Variants in OSTN observed in about 807,000 individuals in gnomAD.
OSTN encodes osteocrin.
In OSTN, 9 loss-of-function variants were observed where a neutral mutation model predicts 12.0. That is an observed-to-expected ratio of 0.75 (90% CI 0.45 to 1.30). The LOEUF (loss-of-function observed/expected upper bound fraction) is 1.30. OSTN is among the 50% of genes most tolerant of loss of function. The probability of loss-of-function intolerance (pLI) is 0.00; values close to 1 mark genes in which losing one functional copy is unlikely to be tolerated. For synonymous variants in OSTN, 59 were observed against 56.9 expected (o/e 1.04, Z -0.16); for missense variants, 148 against 152.3 (o/e 0.97, Z 0.15).
intron 4 of OSTN, among the ~76,000 whole-genome samples, chr3:191,254,378 G>A (rs114650791): frequency 2.2e-3 from 328 of 152,306 alleles, no homozygotes; most frequent in Non-Finnish European, 3.7e-3. Context: ...ATCAGCAGGC[G>A]TGAAGGTTGT....
At chr3:191,210,086 A>G (rs1714379900) in intron 1 of OSTN, among the ~76,000 whole-genome samples, 1 of 152,238 alleles carries the variant, frequency 6.6e-6, no homozygotes, top group South Asian at 2.1e-4. Context: ...AGGCCTCAGG[A>G]AACTTACAAT....
At chr3:191,255,330 G>A (rs539868807) in intron 4 of OSTN, among the ~76,000 whole-genome samples, 10 of 152,292 alleles carry the variant, frequency 6.6e-5, no homozygotes, top group Admixed American at 2.6e-4. Context: ...TCCGCAACCC[G>A]GAGGATGGGA....
chr3:191,259,746 C>T (rs556942827), intron 4 of OSTN, among the ~76,000 whole-genome samples: 66 of 151,986 alleles, frequency 4.3e-4, no homozygotes, highest in African/African-American at 1.4e-3. Flanking sequence ...GTTATTCCCT[C>T]AGGCAATCTC....
rs188135651 is a variant in OSTN at position 191,219,175 on chromosome 3, G to A, written c.317+214G>A. On this transcript the variant is annotated intron_variant, in intron 3 of 4. Transcript: ENST00000682035. ...TGCCGCAGTGTGCCTTAGCATTTTT[G>A]TCATGTTTCCTAAGAAAGATTCTGT... is the stretch of plus-strand genomic sequence containing the variant. Among the ~76,000 whole-genome samples the A allele has an allele frequency of 2.3e-3, 351 of 152,280 alleles. 1 individual carries two copies. Among genetic ancestry groups the A allele is most frequent in the Admixed American group, 5.7e-3 (87 of 15,290 alleles).
At chr3:191,214,499 T>TA (rs1714555401) in intron 2 of OSTN, among the ~76,000 whole-genome samples, 1 of 102,988 alleles carries the variant, frequency 9.7e-6, no homozygotes, top group South Asian at 3.0e-4. Context: ...GAATCAAAAA[T>TA]AGCAGCCAGA....
chr3:191,246,346 C>A (rs995400001), intron 3 of OSTN, among the ~76,000 whole-genome samples: 1 of 151,990 alleles, frequency 6.6e-6, no homozygotes, highest in Non-Finnish European at 1.5e-5. Flanking sequence ...TGGCTCACGC[C>A]AGTAATCCCA....
At chr3:191,200,669 G>T (rs1714133177) in intron 1 of OSTN, among the ~76,000 whole-genome samples, 1 of 152,020 alleles carries the variant, frequency 6.6e-6, no homozygotes, top group Non-Finnish European at 1.5e-5. Context: ...AAAAATAGAA[G>T]TGCTAGGGAT....
intron 1 of OSTN, among the ~76,000 whole-genome samples, chr3:191,201,801 T>C (rs2108586782): frequency 6.6e-6 from 1 of 152,318 alleles, no homozygotes; most frequent in Admixed American, 6.5e-5. Flanking sequence ...AAAAATATTT[T>C]TTCATAAAAA....
intron 3 of OSTN, among the ~76,000 whole-genome samples, chr3:191,229,177 G>C (rs1714987784): frequency 6.6e-6 from 1 of 152,222 alleles, no homozygotes; most frequent in African/African-American, 2.4e-5. Flanking sequence ...TACAGCGTTT[G>C]AAGAGATTAG....
At chr3:191,213,782 T>C (rs923612070) in intron 2 of OSTN, among the ~76,000 whole-genome samples, 1 of 151,956 alleles carries the variant, frequency 6.6e-6, no homozygotes, top group African/African-American at 2.4e-5. Context: ...TTTTTTAAGA[T>C]TAAGGATGTT....
intron 3 of OSTN, among the ~76,000 whole-genome samples, chr3:191,221,875 T>C (rs1714774798): frequency 1.3e-5 from 2 of 152,156 alleles, no homozygotes; most frequent in South Asian, 4.2e-4. Flanking sequence ...GCCATAGGCC[T>C]AGGAGGGATA....
intron 3 of OSTN, among the ~76,000 whole-genome samples, chr3:191,226,204 T>G (rs963299590): frequency 2.6e-5 from 4 of 151,618 alleles, no homozygotes; most frequent in African/African-American, 9.7e-5. Flanking sequence ...CCAAGGGGGG[T>G]TTATTCCAGG....
chr3:191,232,657 A>G (rs952353106), intron 3 of OSTN, among the ~76,000 whole-genome samples: 6 of 149,880 alleles, frequency 4.0e-5, no homozygotes, highest in South Asian at 4.2e-4. Context: ...CTGGAGTGCA[A>G]TGGTGAGATC....
chr3:191,214,010 A>G (rs1228418478), intron 2 of OSTN, among the ~76,000 whole-genome samples: 1 of 152,196 alleles, frequency 6.6e-6, no homozygotes, highest in Non-Finnish European at 1.5e-5. Context: ...GTTTGAAACC[A>G]TATTGTGGGA....
chr3:191,207,810 A>G (rs145021567), intron 1 of OSTN, among the ~76,000 whole-genome samples: 213 of 152,226 alleles, frequency 1.4e-3, no homozygotes, highest in African/African-American at 5.0e-3. Context: ...TAAATGACAA[A>G]ATTTTATACC....
chr3:191,215,574 T>C (rs1398859374), intron 2 of OSTN, among the ~76,000 whole-genome samples: 1 of 152,222 alleles, frequency 6.6e-6, no homozygotes, highest in Non-Finnish European at 1.5e-5. Flanking sequence ...GGTACAGACA[T>C]TGGGCAAATA....
At chr3:191,214,623 G>T (rs1167954701) in intron 2 of OSTN, among the ~76,000 whole-genome samples, 3 of 150,806 alleles carry the variant, frequency 2.0e-5, no homozygotes, top group African/African-American at 7.5e-5. Flanking sequence ...TTTTAAAAGA[G>T]ACTTGCTTGA....
intron 4 of OSTN, among the ~76,000 whole-genome samples, chr3:191,254,864 G>C (rs1715635906): frequency 6.6e-6 from 1 of 152,150 alleles, no homozygotes; most frequent in Non-Finnish European, 1.5e-5. Flanking sequence ...ACTTTCAAAA[G>C]CTTCTTGAGG....
chr3:191,262,344 ATT>A (rs769552907), intron 4 of OSTN, among the ~76,000 whole-genome samples: 2 of 152,252 alleles, frequency 1.3e-5, no homozygotes, highest in Non-Finnish European at 2.9e-5. Context: ...TTAGATTTAT[ATT>A]GACATATATT....
Sources: gnomAD v4.1 joint callset for allele counts (sites outside exome capture counted in the v4.1 genomes callset) on GRCh38, gnomAD v4.1.1 for gene constraint, MANE v1.5 for transcripts, NCBI Gene and HGNC (gene_info 2026-07-23, HGNC 2026-07-21) for gene names.